Variants in TASP1 observed in about 807,000 individuals in gnomAD.
TASP1 encodes the protein threonine aspartase 1.
Under a neutral mutation model 56.6 loss-of-function variants are expected in TASP1, and 16 were observed. The observed-to-expected ratio is 0.28, with a 90% CI of 0.19 to 0.43. The LOEUF is 0.43. TASP1 is among the 20% of genes least tolerant of loss of function. TASP1 has a pLI of 1.00. For synonymous variants in TASP1, 179 were observed against 184.2 expected (o/e 0.97, Z 0.23); for missense variants, 393 against 511.6 (o/e 0.77, Z 2.24).
At chr20:13,121,610 A>C in the TASP1 span, among the ~76,000 whole-genome samples, 1 of 152,216 alleles carries the variant, frequency 6.6e-6, no homozygotes, top group Non-Finnish European at 1.5e-5. Context: ...GACACGACCC[A>C]GACTCGCCTT....
At chr20:13,502,697 T>C (rs1009052734) in intron 10 of TASP1, among the ~76,000 whole-genome samples, 1 of 148,922 alleles carries the variant, frequency 6.7e-6, no homozygotes, top group Admixed American at 6.6e-5. Flanking sequence ...GCTGCAACAG[T>C]GTTATTAATC....
chr20:13,505,457 T>C (rs4813132), intron 10 of TASP1, among the ~76,000 whole-genome samples: 1 of 151,814 alleles, frequency 6.6e-6, no homozygotes, highest in Non-Finnish European at 1.5e-5. Context: ...AATATACAGA[T>C]AGCCAGCTCA....
Position 13,573,907 on chromosome 20 carries a change from A to C in TASP1, c.489-4321T>G, listed in dbSNP as rs575445165. On this transcript the variant is annotated intron_variant, in intron 6 of 13. Transcript: ENST00000337743. ...GAGAGTTTCTAAACCACAGCACAGCAGCTCCAGCAATATCTCTGAGTTGAA... is the reference window on the plus strand; with the variant it reads ...GAGAGTTTCTAAACCACAGCACAGCCGCTCCAGCAATATCTCTGAGTTGAA... 3.3e-5 allele frequency among the ~76,000 whole-genome samples: 5 copies of C among 152,328 alleles called. No individual in the cohort carries two copies. In the South Asian group the frequency reaches 8.3e-4, roughly 25 times the overall value.
At chr20:13,259,217 G>A in the TASP1 span, among the ~76,000 whole-genome samples, 1 of 151,114 alleles carries the variant, frequency 6.6e-6, no homozygotes, top group Non-Finnish European at 1.5e-5. Flanking sequence ...GGAGGCGGAG[G>A]TTGCAGTGAG....
intron 13 of TASP1, among the ~76,000 whole-genome samples, chr20:13,395,802 A>G (rs577281537): frequency 1.3e-4 from 19 of 151,948 alleles, no homozygotes; most frequent in African/African-American, 4.3e-4. Flanking sequence ...ACCAGGTTCA[A>G]GAGATTCTCC....
downstream of TASP1, among the ~76,000 whole-genome samples, chr20:13,387,749 A>C (rs1002428781): frequency 1.3e-5 from 2 of 152,232 alleles, no homozygotes; most frequent in African/African-American, 4.8e-5. Context: ...GCTGCTTTCC[A>C]CAGTGGCTGA....
At chr20:13,312,429 T>G in the TASP1 span, among the ~76,000 whole-genome samples, 1 of 152,210 alleles carries the variant, frequency 6.6e-6, no homozygotes, top group Non-Finnish European at 1.5e-5. Context: ...CTCCAAGAGA[T>G]GCAGAGAGGC....
chr20:13,482,844 A>G (rs1318786298), intron 11 of TASP1, among the ~76,000 whole-genome samples: 1 of 152,254 alleles, frequency 6.6e-6, no homozygotes. Context: ...AGGAAATAGT[A>G]CATGAATATA....
the TASP1 span, among the ~76,000 whole-genome samples, chr20:13,119,583 T>G: frequency 6.6e-6 from 1 of 152,340 alleles, no homozygotes; most frequent in East Asian, 1.9e-4. Context: ...ATTTTATGCA[T>G]ATTTGGATAC....
intron 12 of TASP1, among the ~76,000 whole-genome samples, chr20:13,421,870 C>T (rs2042445733): frequency 6.6e-6 from 1 of 151,874 alleles, no homozygotes; most frequent in Non-Finnish European, 1.5e-5. Context: ...AAATACAGGG[C>T]TAAGTTCCTG....
chr20:13,171,607 A>G, the TASP1 span, among the ~76,000 whole-genome samples: 1 of 152,204 alleles, frequency 6.6e-6, no homozygotes, highest in Admixed American at 6.5e-5. Flanking sequence ...TAGTAAGATG[A>G]AAACTAACAT....
At chr20:13,489,290 G>A (rs2043435803) in intron 10 of TASP1, among the ~76,000 whole-genome samples, 1 of 152,088 alleles carries the variant, frequency 6.6e-6, no homozygotes, top group Non-Finnish European at 1.5e-5. Context: ...TACCATTCCG[G>A]TCCCTGGCCA....
the TASP1 span, among the ~76,000 whole-genome samples, chr20:13,124,457 G>A: frequency 6.6e-6 from 1 of 151,748 alleles, no homozygotes; most frequent in Non-Finnish European, 1.5e-5. Flanking sequence ...GAGAACTAGA[G>A]TAGAAGGGAA....
the TASP1 span, among the ~76,000 whole-genome samples, chr20:13,364,380 A>C: frequency 6.6e-6 from 1 of 152,136 alleles, no homozygotes; most frequent in South Asian, 2.1e-4. Context: ...TCCTGAGCTG[A>C]GCAGTGAATT....
the TASP1 span, among the ~76,000 whole-genome samples, chr20:13,214,081 A>G: frequency 0.46 from 70,628 of 152,012 alleles, 17,789 homozygotes; most frequent in African/African-American, 0.68. Flanking sequence ...AAAGAATATT[A>G]TAGGGACAAT....
intron 10 of TASP1, among the ~76,000 whole-genome samples, chr20:13,490,054 A>G (rs2043468125): frequency 2.0e-5 from 3 of 152,208 alleles, no homozygotes; most frequent in Admixed American, 2.0e-4. Context: ...CAATTCAAAC[A>G]TGCAACTCTG....
the TASP1 span, among the ~76,000 whole-genome samples, chr20:13,337,021 A>G: frequency 6.6e-6 from 1 of 152,218 alleles, no homozygotes; most frequent in Non-Finnish European, 1.5e-5. Context: ...AAGGGAATCC[A>G]TGAGAAGATT....
At chr20:13,471,654 A>G (rs1234652908) in intron 11 of TASP1, among the ~76,000 whole-genome samples, 1 of 152,142 alleles carries the variant, frequency 6.6e-6, no homozygotes, top group Non-Finnish European at 1.5e-5. Context: ...TCCTTCCTCC[A>G]ATCCATCCCA....
chr20:13,276,951 A>G, the TASP1 span, among the ~76,000 whole-genome samples: 8 of 152,188 alleles, frequency 5.3e-5, no homozygotes, highest in African/African-American at 1.4e-4. Flanking sequence ...GTGGATCCTA[A>G]GATTTGTTGT....
Sources: allele counts gnomAD v4.1 joint callset (sites outside exome capture counted in the v4.1 genomes callset), GRCh38; gene constraint gnomAD v4.1.1; transcripts MANE v1.5; gene names NCBI Gene and HGNC (gene_info 2026-07-23, HGNC 2026-07-21).